The following CCDC171 variants were observed in gnomAD, a reference collection of about 807,000 sequenced individuals.
CCDC171 encodes the protein coiled-coil domain-containing protein 171.
A neutral mutation model predicts 168.2 loss-of-function variants in CCDC171; 177 were observed. The observed-to-expected ratio is 1.05, with a 90% confidence interval of 0.93 to 1.19. The LOEUF is 1.19. Among genes scored for constraint, CCDC171 ranks in the 50% most tolerant of loss-of-function variants. The pLI, the probability that CCDC171 is intolerant of heterozygous loss-of-function variation, is 0.00. For missense variants in CCDC171, 1,991 were observed against 1,539.0 expected, an observed-to-expected ratio of 1.29 and a Z score of -4.91; for synonymous variants, 687 against 540.8, an observed-to-expected ratio of 1.27 and a Z score of -3.75.
rs943991145 is a variant in CCDC171, at chr9:15,661,291, A to AC, written c.915+4072_915+4073insC. 1.5e-4 allele frequency among the ~76,000 whole-genome samples: 22 copies of AC among 146,914 alleles called. 1 individual carries two copies. The highest frequency in any genetic ancestry group is 4.9e-4 in the African/African-American group (19 of 38,656). ...CGAGACTCCGTCTCAAAAAAAAAAA[A>AC]AAAAAAAAAGTAACATGCTGTTTTT... On this transcript the variant is annotated intron_variant, in intron 8 of 25. Coordinates refer to ENST00000380701, the MANE Select transcript of CCDC171 (RefSeq NM_173550.4).
chr9:15,984,122 G>T (rs1031146647), intron 3 of CCDC171, among the ~76,000 whole-genome samples: 2 of 152,212 alleles, frequency 1.3e-5, no homozygotes, highest in African/African-American at 4.8e-5. Context: ...TGGGCAACAA[G>T]ATAAGAAAGA....
intron 10 of CCDC171, among the ~76,000 whole-genome samples, chr9:15,683,388 G>T (rs1289900632): frequency 6.6e-6 from 1 of 151,896 alleles, no homozygotes; most frequent in Non-Finnish European, 1.5e-5. Context: ...TATTAGGTTT[G>T]CTTTAGAAGA....
intron 18 of CCDC171, among the ~76,000 whole-genome samples, chr9:15,757,670 C>G (rs1005560500): frequency 2.0e-5 from 3 of 152,128 alleles, no homozygotes; most frequent in Non-Finnish European, 4.4e-5. Flanking sequence ...TCACGGAAGC[C>G]CTTCCCATCA....
Position 15,623,350 on chromosome 9 carries a change from G to A in CCDC171, c.759G>A (p.Arg253=), listed in dbSNP as rs1463686105. The A allele has an allele frequency of 1.9e-5, 30 of 1,611,830 alleles. No homozygotes were observed. Among genetic ancestry groups the A allele is most frequent in the Non-Finnish European group, 2.5e-5 (30 of 1,178,764 alleles). The stretch of plus-strand genomic sequence containing the variant: ...ATATGGACTGCTCTGACCTTTTACG[G>A]CGACAAACAAGTGAACTTGAATTTA... ...TEHMDCSDLL[R]RQTSELEFST... The change falls in exon 7 of 26, where the codon CGG becomes CGA. Residue 253 remains arginine, a synonymous_variant. Coordinates refer to ENST00000380701, the MANE Select transcript of CCDC171 (RefSeq NM_173550.4).
At chr9:16,095,405 C>G in the CCDC171 span, among the ~76,000 whole-genome samples, 14 of 152,098 alleles carry the variant, frequency 9.2e-5, no homozygotes, top group Non-Finnish European at 1.6e-4. Flanking sequence ...TACTCCTATT[C>G]TTTTAGAACT....
At chr9:16,069,865 A>C in the CCDC171 span, among the ~76,000 whole-genome samples, 2 of 152,162 alleles carry the variant, frequency 1.3e-5, no homozygotes, top group Non-Finnish European at 2.9e-5. Flanking sequence ...TCAGATTCCT[A>C]AGGGGAGTTG....
At chr9:15,879,376 T>G (rs1818292154) in intron 24 of CCDC171, among the ~76,000 whole-genome samples, 1 of 152,180 alleles carries the variant, frequency 6.6e-6, no homozygotes, top group Non-Finnish European at 1.5e-5. Context: ...ATATACAATG[T>G]GCAATGATCA....
intron 7 of CCDC171, among the ~76,000 whole-genome samples, chr9:15,625,562 A>C (rs1486426466): frequency 3.3e-5 from 5 of 152,176 alleles, no homozygotes; most frequent in African/African-American, 7.2e-5. Flanking sequence ...AGCACCATTT[A>C]TTAAAGAGGG....
chr9:15,814,117 A>G (rs1456756657), intron 21 of CCDC171, among the ~76,000 whole-genome samples: 1 of 152,150 alleles, frequency 6.6e-6, no homozygotes, highest in Non-Finnish European at 1.5e-5. Context: ...TAATTTTGTC[A>G]GTTATAGAGA....
intron 23 of CCDC171, 48 bp from the exon 24 acceptor site, chr9:15,874,484 A>T: frequency 6.6e-7 from 1 of 1,510,306 alleles, no homozygotes; most frequent in Non-Finnish European, 8.9e-7. Flanking sequence ...CATCCCAGTT[A>T]ATGTGTCTGA....
intron 3 of CCDC171, among the ~76,000 whole-genome samples, chr9:16,015,488 G>A (rs190161615): frequency 8.9e-4 from 136 of 152,246 alleles, no homozygotes; most frequent in African/African-American, 3.0e-3. Flanking sequence ...CATGCGTCCA[G>A]TATCTTTCAG....
At chr9:16,055,395 G>A (rs1382921137) in intron 1 of CCDC171, among the ~76,000 whole-genome samples, 2 of 152,224 alleles carry the variant, frequency 1.3e-5, no homozygotes, top group East Asian at 1.9e-4. Flanking sequence ...GAGTCTGGGG[G>A]CAGAGCCTGT....
chr9:15,830,288 A>G (rs755373933), intron 21 of CCDC171, among the ~76,000 whole-genome samples: 1 of 152,178 alleles, frequency 6.6e-6, no homozygotes. Flanking sequence ...TAGATGACCT[A>G]TTGAGATTTA....
intron 7 of CCDC171, among the ~76,000 whole-genome samples, chr9:15,633,212 A>G (rs2045894138): frequency 6.6e-6 from 1 of 152,218 alleles, no homozygotes; most frequent in Non-Finnish European, 1.5e-5. Flanking sequence ...CAGCAAAAGA[A>G]ACTACCGTCA....
intron 24 of CCDC171, among the ~76,000 whole-genome samples, chr9:15,901,415 T>C (rs189836350): frequency 3.9e-5 from 6 of 152,284 alleles, no homozygotes; most frequent in Admixed American, 1.3e-4. Context: ...AGGGTATTGA[T>C]ATGAAAGAGG....
intron 21 of CCDC171, among the ~76,000 whole-genome samples, chr9:15,842,734 C>A (rs1484412860): frequency 1.3e-5 from 2 of 151,766 alleles, no homozygotes; most frequent in African/African-American, 4.8e-5. Flanking sequence ...AAAAAATTTT[C>A]ATTGCACAAA....
chr9:16,074,326 C>T, the CCDC171 span, among the ~76,000 whole-genome samples: 1 of 152,166 alleles, frequency 6.6e-6, no homozygotes, highest in African/African-American at 2.4e-5. Flanking sequence ...ATTTTACTGG[C>T]ATTTTAGTGA....
intron 7 of CCDC171, among the ~76,000 whole-genome samples, chr9:15,649,185 G>A (rs1172233314): frequency 6.6e-6 from 1 of 152,168 alleles, no homozygotes; most frequent in African/African-American, 2.4e-5. Flanking sequence ...TGGGAAAACT[G>A]GCTAGCCATA....
intron 3 of CCDC171, among the ~76,000 whole-genome samples, chr9:16,011,955 G>C (rs1293479673): frequency 2.0e-5 from 3 of 152,148 alleles, no homozygotes; most frequent in Non-Finnish European, 1.5e-5. Context: ...TCAGAGTCTT[G>C]TCCCCAGTGG....
Sources: allele counts gnomAD v4.1 joint callset (sites outside exome capture counted in the v4.1 genomes callset), GRCh38; gene constraint gnomAD v4.1.1; transcripts MANE v1.5; gene names NCBI Gene and HGNC (gene_info 2026-07-23, HGNC 2026-07-21).